Variants in CREB3L2 observed in about 807,000 individuals in gnomAD.
The protein encoded by CREB3L2 is cyclic AMP-responsive element-binding protein 3-like protein 2.
In CREB3L2, 23 loss-of-function variants were observed where a neutral mutation model predicts 57.2. The ratio of observed to expected loss-of-function variants is 0.40; its 90% CI spans 0.29 to 0.57. The LOEUF (loss-of-function observed/expected upper bound fraction) is 0.57. CREB3L2 is among the 20% of genes least tolerant of loss of function. The pLI is 0.42. For synonymous variants in CREB3L2, 268 were observed against 265.1 expected (o/e 1.01, Z -0.11); for missense variants, 628 against 634.7 (o/e 0.99, Z 0.11).
At chr7:137,957,430 C>T (rs1393154887) in intron 1 of CREB3L2, among the ~76,000 whole-genome samples, 1 of 152,144 alleles carries the variant, frequency 6.6e-6, no homozygotes, top group Non-Finnish European at 1.5e-5. Context: ...AATCCATTAA[C>T]ATCACAACCT....
chr7:137,968,069 C>T (rs1801438164), intron 1 of CREB3L2, among the ~76,000 whole-genome samples: 2 of 152,208 alleles, frequency 1.3e-5, no homozygotes, highest in Admixed American at 6.5e-5. Context: ...TAAAAGCTTG[C>T]TATTTTCACC....
chr7:137,995,456 T>C (rs1801975400), intron 1 of CREB3L2, among the ~76,000 whole-genome samples: 1 of 142,182 alleles, frequency 7.0e-6, no homozygotes, highest in African/African-American at 2.6e-5. Flanking sequence ...TGCCTCAGCC[T>C]CCCGAGTAGC....
chr7:137,995,602 G>C (rs1273020342), intron 1 of CREB3L2, among the ~76,000 whole-genome samples: 1 of 151,942 alleles, frequency 6.6e-6, no homozygotes, highest in Non-Finnish European at 1.5e-5. Context: ...CAAAGTGCTG[G>C]GATTACAGGC....
intron 2 of CREB3L2, among the ~76,000 whole-genome samples, chr7:137,919,194 GAC>G (rs1800217075): frequency 6.8e-6 from 1 of 146,214 alleles, no homozygotes; most frequent in South Asian, 2.1e-4. Context: ...TTTTTTTTGA[GAC>G]AGTCTTGTTC....
At chr7:137,947,158 T>C (rs1161061881) in intron 1 of CREB3L2, among the ~76,000 whole-genome samples, 8 of 150,404 alleles carry the variant, frequency 5.3e-5, no homozygotes, top group Non-Finnish European at 1.2e-4. Context: ...AGGTGGCTGT[T>C]TACAAGCCAG....
In CREB3L2 at chr7:137,901,405, G is replaced by A. The variant is rs1799752256; in HGVS notation, c.992C>T (p.Thr331Ile). Residue 331 changes from threonine to isoleucine, a missense_variant, in exon 8 of 12, where the codon ACT (threonine) becomes ATT (isoleucine). By Grantham distance (89) the Thr-to-Ile change is moderately conservative. Around this residue, in one of 3 missense-constraint regions of CREB3L2, gnomAD observed 272 missense variants for 242.7 expected, o/e 1.12. Coordinates refer to ENST00000330387, the MANE Select transcript of CREB3L2 (RefSeq NM_194071.4). Reference sequence around the variant, plus strand: ...CTTCTTCCGAAGCTCCAAGTTCTCAGTTGAACAAGACTCCACTCTACAAAG... The same window carrying A: ...CTTCTTCCGAAGCTCCAAGTTCTCAATTGAACAAGACTCCACTCTACAAAG... ...SLEKKVESCSTENLELRKKVE... is the reference protein window; with the variant it reads ...SLEKKVESCSIENLELRKKVE... The A allele has an allele frequency of 6.2e-7, 1 of 1,606,386 alleles. No individual in the cohort carries two copies. Among genetic ancestry groups the A allele is most frequent in the Non-Finnish European group, 8.5e-7 (1 of 1,173,282 alleles).
At chr7:137,985,778 G>A (rs892246151) in intron 1 of CREB3L2, among the ~76,000 whole-genome samples, 4 of 152,124 alleles carry the variant, frequency 2.6e-5, no homozygotes, top group African/African-American at 9.7e-5. Flanking sequence ...TTCCTCAGAA[G>A]CAGGTGCCTG....
intron 8 of CREB3L2, among the ~76,000 whole-genome samples, chr7:137,896,551 A>G (rs531408665): frequency 6.6e-6 from 1 of 152,172 alleles, no homozygotes; most frequent in Non-Finnish European, 1.5e-5. Context: ...TTCACCAGCC[A>G]CGGCCTCCCA....
At chr7:137,895,650 A>AAAAAAAAAAAAAAAAAG (rs1295924394) in intron 8 of CREB3L2, among the ~76,000 whole-genome samples, 61 of 150,166 alleles carry the variant, frequency 4.1e-4, no homozygotes, top group African/African-American at 1.5e-3. Flanking sequence ...TACAAAAAAA[A>AAAAAAAAAAAAAAAAAG]AAAGAAAGAA....
chr7:137,970,824 G>C (rs1801493431), intron 1 of CREB3L2, among the ~76,000 whole-genome samples: 1 of 152,164 alleles, frequency 6.6e-6, no homozygotes, highest in South Asian at 2.1e-4. Context: ...CCACTAAAAA[G>C]AATGTCTGGA....
intron 5 of CREB3L2, among the ~76,000 whole-genome samples, chr7:137,906,947 G>C (rs140578706): frequency 6.6e-6 from 1 of 152,144 alleles, no homozygotes; most frequent in Admixed American, 6.5e-5. Flanking sequence ...CCAATCTCGG[G>C]TATGTCTTTA....
chr7:137,992,760 G>A (rs1801922223), intron 1 of CREB3L2, among the ~76,000 whole-genome samples: 1 of 152,206 alleles, frequency 6.6e-6, no homozygotes, highest in Admixed American at 6.5e-5. Flanking sequence ...AGAGTGTCAT[G>A]GAAGCCAAAG....
At chr7:137,906,788 C>T (rs140226416) in intron 5 of CREB3L2, among the ~76,000 whole-genome samples, 115 of 152,318 alleles carry the variant, frequency 7.5e-4, no homozygotes, top group Middle Eastern at 3.4e-3. Flanking sequence ...TTTTAAAAAA[C>T]AGGAGTTGCA....
chr7:137,892,708 A>T lies in CREB3L2; in HGVS notation c.1044-7206T>A, dbSNP rs1564225. On this transcript the variant is annotated intron_variant, in intron 8 of 11. Coordinates refer to ENST00000330387, the MANE Select transcript of CREB3L2 (RefSeq NM_194071.4). ...CTCATGATGGAAGAGATGAGCATCC[A>T]TGTCCTTCTGAGGCAAAATCCCCCC... Among the ~76,000 whole-genome samples, 1,265 of 152,180 alleles carry T rather than the reference A, an allele frequency of 8.3e-3. 8 individuals carry two copies. Among genetic ancestry groups the T allele is most frequent in the Non-Finnish European group, 0.013 (876 of 68,004 alleles).
In CREB3L2 at chr7:137,903,849, T is replaced by C. The variant is rs967373821; in HGVS notation, c.974+110A>G. Reference sequence around the variant, plus strand: ...ACCACAGCTGATAAACCACCGGGTTTCCAAGGTGGCCAGAAAGAGGAATTG... The same window carrying C: ...ACCACAGCTGATAAACCACCGGGTTCCCAAGGTGGCCAGAAAGAGGAATTG... On this transcript the variant is annotated intron_variant, in intron 7 of 11. Transcript: ENST00000330387. The C allele has an allele frequency of 7.6e-6, 7 of 917,412 alleles. No individual in the cohort carries two copies. In the African/African-American group the frequency reaches 1.1e-4, roughly 15 times the overall value. 56.8% of individuals were successfully genotyped at this position (917,412 alleles called of 1,614,324 possible).
At chr7:137,986,283 T>C (rs1171512057) in intron 1 of CREB3L2, among the ~76,000 whole-genome samples, 1 of 152,246 alleles carries the variant, frequency 6.6e-6, no homozygotes, top group African/African-American at 2.4e-5. Context: ...AGAAAGTCTC[T>C]GCTTTCACGG....
At chr7:137,921,236 T>G (rs905360847) in intron 2 of CREB3L2, among the ~76,000 whole-genome samples, 5 of 152,242 alleles carry the variant, frequency 3.3e-5, no homozygotes, top group Non-Finnish European at 1.5e-5. Flanking sequence ...AAAACATCCC[T>G]GGTAAAGTTT....
intron 1 of CREB3L2, among the ~76,000 whole-genome samples, chr7:137,930,364 C>T (rs1349504485): frequency 3.3e-5 from 5 of 152,256 alleles, no homozygotes; most frequent in South Asian, 2.1e-4. Context: ...AATAAGAGAA[C>T]GATGGCAAAT....
chr7:137,880,032 G>A lies in CREB3L2; in HGVS notation c.*444C>T, dbSNP rs1799257878. The stretch of plus-strand genomic sequence containing the variant: ...CAGAGACCCCAGTGCGAGCAACGGA[G>A]GACACGGGTCAGTGCTTTGCCAAAT... On this transcript the variant is annotated 3_prime_UTR_variant, in exon 12 of 12. Transcript: ENST00000330387. This position sits in a 1 kb window ranked among gnomAD's most constrained non-coding sequence, Gnocchi z 4.0. 3 of 257,660 alleles carry A rather than the reference G, an allele frequency of 1.2e-5. No homozygotes were observed. Among genetic ancestry groups the A allele is most frequent in the Non-Finnish European group, 1.5e-5 (2 of 132,768 alleles). 16.0% of individuals were successfully genotyped at this position (257,660 alleles called of 1,614,324 possible).
Sources: allele counts gnomAD v4.1 joint callset (sites outside exome capture counted in the v4.1 genomes callset), GRCh38; gene constraint gnomAD v4.1.1; regional missense constraint gnomAD v4.1.1; non-coding constraint Gnocchi (gnomAD v3.1); transcripts MANE v1.5; gene names NCBI Gene and HGNC (gene_info 2026-07-23, HGNC 2026-07-21).